SHTN1: variants seen among roughly 807,000 people sequenced by gnomAD.
SHTN1 encodes shootin-1.
Under a neutral mutation model 83.1 loss-of-function variants are expected in SHTN1, and 42 were observed. That is an observed-to-expected ratio of 0.51 (90% confidence interval 0.39 to 0.65). The LOEUF is 0.65. Ranked by LOEUF, SHTN1 falls within the 30% of genes least tolerant of loss-of-function variation. SHTN1 has a pLI of 0.00. For synonymous variants in SHTN1, 224 were observed against 247.7 expected (o/e 0.90, Z 0.90); for missense variants, 622 against 737.8 (o/e 0.84, Z 1.82).
At chr10:117,060,820 T>C (rs1049908859) in intron 1 of SHTN1, among the ~76,000 whole-genome samples, 1 of 152,226 alleles carries the variant, frequency 6.6e-6, no homozygotes, top group African/African-American at 2.4e-5. Flanking sequence ...TGTGGTATTT[T>C]AAACTACTTA....
At chr10:117,119,099 T>A (rs530211448) in intron 1 of SHTN1, among the ~76,000 whole-genome samples, 1 of 152,340 alleles carries the variant, frequency 6.6e-6, no homozygotes, top group South Asian at 2.1e-4. Flanking sequence ...AAATATCACA[T>A]GTTCTCATTC....
chr10:117,098,503 G>GACA (rs1017030898), intron 1 of SHTN1, among the ~76,000 whole-genome samples: 46 of 151,662 alleles, frequency 3.0e-4, no homozygotes, highest in African/African-American at 1.1e-3. Context: ...ATCAGATACT[G>GACA]ACAACAATCC....
intron 16 of SHTN1, among the ~76,000 whole-genome samples, chr10:116,894,394 T>C (rs1182824274): frequency 6.6e-6 from 1 of 152,008 alleles, no homozygotes; most frequent in Non-Finnish European, 1.5e-5. Context: ...CTCTTTTGAC[T>C]CCCCCAAACG....
chr10:116,950,319 C>A (rs1168257784), intron 6 of SHTN1, among the ~76,000 whole-genome samples: 2 of 152,110 alleles, frequency 1.3e-5, no homozygotes, highest in East Asian at 3.9e-4. Context: ...CACATGCCAC[C>A]ATGCCTGGCT....
intron 11 of SHTN1, among the ~76,000 whole-genome samples, chr10:116,924,237 C>T (rs1848656702): frequency 6.6e-6 from 1 of 152,144 alleles, no homozygotes; most frequent in African/African-American, 2.4e-5. Context: ...GTTACCACTC[C>T]ATGGCGGGCT....
intron 1 of SHTN1, among the ~76,000 whole-genome samples, chr10:116,994,541 G>C (rs1289346023): frequency 6.6e-6 from 1 of 151,834 alleles, no homozygotes; most frequent in Non-Finnish European, 1.5e-5. Context: ...AGGGGAAGGG[G>C]AGATTCTGTG....
At chr10:116,915,340 T>C in intron 13 of SHTN1, 35 bp downstream of exon 13, 2 of 1,102,744 alleles carry the variant, frequency 1.8e-6, no homozygotes, top group East Asian at 2.4e-5. Context: ...AAAGGAAATA[T>C]CAAACAGGGA....
chr10:117,077,981 C>T (rs1050938513), intron 1 of SHTN1, among the ~76,000 whole-genome samples: 1 of 152,130 alleles, frequency 6.6e-6, no homozygotes, highest in Non-Finnish European at 1.5e-5. Flanking sequence ...TTACCTTAAT[C>T]GAAGAAGGTC....
intron 1 of SHTN1, among the ~76,000 whole-genome samples, chr10:117,097,030 G>GACACACACACACAC (rs5788209): frequency 1.7e-4 from 25 of 149,046 alleles, no homozygotes; most frequent in East Asian, 7.9e-4. Flanking sequence ...CACACACATA[G>GACACACACACACAC]ACACACACAC....
chr10:117,021,486 T>C (rs759110792), intron 2 of SHTN1, among the ~76,000 whole-genome samples: 2 of 152,216 alleles, frequency 1.3e-5, no homozygotes, highest in African/African-American at 2.4e-5. Flanking sequence ...AAATGTAAAA[T>C]GGTATATGCA....
At chr10:116,932,471 T>G (rs1849008210) in intron 9 of SHTN1, among the ~76,000 whole-genome samples, 1 of 152,008 alleles carries the variant, frequency 6.6e-6, no homozygotes, top group African/African-American at 2.4e-5. Context: ...TCCCCCACCC[T>G]CTTCCCTCCC....
At chr10:116,968,611 G>A (rs1282277187) in intron 3 of SHTN1, 41 bp downstream of exon 3, 2 of 1,409,192 alleles carry the variant, frequency 1.4e-6, no homozygotes, top group East Asian at 2.3e-5. Context: ...TCCCCAATAG[G>A]CTATATGTGT....
At chr10:116,953,964 C>G (rs1459022990) in intron 5 of SHTN1, 78 bp downstream of exon 5, 1 of 1,196,250 alleles carries the variant, frequency 8.4e-7, no homozygotes, top group Admixed American at 2.3e-5. Flanking sequence ...CCACATGATT[C>G]TGATGTGCAG....
chr10:117,020,009 CA>C (rs1306388892), intron 2 of SHTN1, among the ~76,000 whole-genome samples: 6 of 152,140 alleles, frequency 3.9e-5, no homozygotes, highest in South Asian at 2.1e-4. Flanking sequence ...AAAATTCCAG[CA>C]GGCTTTTTTG....
chr10:116,892,947 T>C (rs1297412965), intron 16 of SHTN1, among the ~76,000 whole-genome samples: 2 of 152,214 alleles, frequency 1.3e-5, no homozygotes. Context: ...AAATGGTATA[T>C]TTTATACAAA....
intron 1 of SHTN1, among the ~76,000 whole-genome samples, chr10:117,085,894 T>A (rs1169511645): frequency 6.6e-6 from 1 of 152,064 alleles, no homozygotes; most frequent in African/African-American, 2.4e-5. Flanking sequence ...ATAATTTTCC[T>A]TGATCTAAAG....
rs60162197 is a variant in SHTN1 at position 116,887,345 on chromosome 10, C to T, written c.1674-779G>A. ...TGGGAACAGATATCTCTGAAACACC[C>T]GAAGGTTCAGGCTGCTGAGCTGCGG... On this transcript the variant is annotated intron_variant, in intron 16 of 16. Transcript: ENST00000355371. 8.1e-3 allele frequency among the ~76,000 whole-genome samples: 1,230 copies of T among 152,254 alleles called. 14 individuals carry two copies. The highest frequency in any genetic ancestry group is 0.028 in the African/African-American group (1,165 of 41,542).
chr10:117,079,154 C>T (rs1378800201), intron 1 of SHTN1, among the ~76,000 whole-genome samples: 10 of 150,628 alleles, frequency 6.6e-5, no homozygotes, highest in African/African-American at 1.2e-4. Flanking sequence ...CATCTAGCAT[C>T]AGGTATATCT....
At chr10:116,998,561 G>A (rs909002612) in intron 1 of SHTN1, among the ~76,000 whole-genome samples, 10 of 152,066 alleles carry the variant, frequency 6.6e-5, no homozygotes, top group African/African-American at 1.2e-4. Flanking sequence ...CGTATGCACA[G>A]GAAAAAACTT....
Sources: gnomAD v4.1 joint callset for allele counts (sites outside exome capture counted in the v4.1 genomes callset) on GRCh38, gnomAD v4.1.1 for gene constraint, MANE v1.5 for transcripts, NCBI Gene and HGNC (gene_info 2026-07-23, HGNC 2026-07-21) for gene names.